DNAH1: variants seen among roughly 807,000 people sequenced by gnomAD.
DNAH1 encodes the protein dynein axonemal heavy chain 1, also known as axonemal beta dynein heavy chain 1.
DNAH1 carries 327 observed loss-of-function variants against 484.3 expected under a neutral mutation model. The ratio of observed to expected loss-of-function variants is 0.68; its 90% CI spans 0.62 to 0.74. The LOEUF is 0.74. Ranked by LOEUF, DNAH1 falls within the 30% of genes least tolerant of loss-of-function variation. The pLI is 0.00. For synonymous variants in DNAH1, 2,192 were observed against 2,191.9 expected (o/e 1.00, Z 0.00); for missense variants, 5,052 against 5,546.8 (o/e 0.91, Z 2.83).
In DNAH1 at chr3:52,360,395, G is replaced by C; in HGVS notation, c.4656G>C (p.Gly1552=). The change falls in exon 28 of 78, where the codon GGG becomes GGC. Residue 1552 remains glycine (G), a synonymous_variant. Coordinates refer to ENST00000420323, the MANE Select transcript of DNAH1 (RefSeq NM_015512.5). The stretch of plus-strand genomic sequence containing the variant: ...GCTATGAGTACCTGGGCAACAGTGG[G>C]AGGCTGGTGATCACGCCCCTCACCG... ...IYGYEYLGNS[G]RLVITPLTDR... 1 of 1,613,976 alleles carries C rather than the reference G, an allele frequency of 6.2e-7. No homozygotes were observed. Among genetic ancestry groups the C allele is most frequent in the Non-Finnish European group, 8.5e-7 (1 of 1,179,874 alleles).
In DNAH1 at chr3:52,383,456, C is replaced by T; in HGVS notation, c.8012C>T (p.Thr2671Ile). The change falls in exon 51 of 78, where the codon ACT (threonine) becomes ATT (isoleucine). Residue 2671 changes from threonine to isoleucine, a missense_variant. Thr to Ile is a moderately conservative substitution (Grantham distance 89). This residue lies in a region of DNAH1 where 2,929 missense variants were observed against 3,409.4 expected (regional missense o/e 0.86). Transcript: ENST00000420323. ...LNSGDIPNLY[T>I]ADEQDQIVST... ...TCTGGTGACATTCCCAATCTGTATA[C>T]TGCGGACGAGCAGGACCAGATCGTC... The T allele has an allele frequency of 2.5e-6, 4 of 1,614,010 alleles. No homozygotes were observed. Among genetic ancestry groups the T allele is most frequent in the Non-Finnish European group, 3.4e-6 (4 of 1,179,872 alleles).
At position 52,395,007 on chromosome 3, in the gene DNAH1, C is replaced by T. The variant is rs759314586; in HGVS notation, c.10916C>T (p.Ala3639Val). The change falls in exon 68 of 78, where the codon GCC becomes GTC. Residue 3639 changes from alanine to valine, a missense_variant. Transcript: ENST00000420323. The surrounding 1 kb of genome is among the most constrained non-coding windows in gnomAD (Gnocchi z 4.4). Reference protein sequence around the residue: ...RCLRGDKVTNAMQDFVATNLE... With the variant: ...RCLRGDKVTNVMQDFVATNLE... ...CTGCGTGGGGACAAGGTTACCAACG[C>T]CATGCAGGACTTTGTGGCCACCAAC... 1 of 1,611,740 alleles carries T rather than the reference C, an allele frequency of 6.2e-7. No homozygotes were observed. Among genetic ancestry groups the T allele is most frequent in the Non-Finnish European group, 8.5e-7 (1 of 1,179,030 alleles).
At chr3:52,350,712 A>T in intron 16 of DNAH1, 122 bp downstream of exon 16, 1 of 942,814 alleles carries the variant, frequency 1.1e-6, no homozygotes, top group Non-Finnish European at 1.7e-6. Flanking sequence ...GAAACACCCC[A>T]CTGAGATTTC....
chr3:52,314,348 C>A (rs730050), upstream of DNAH1, among the ~76,000 whole-genome samples: 54,368 of 152,094 alleles, frequency 0.36, 10,996 homozygotes, highest in East Asian at 0.58. Flanking sequence ...AGGCATCCCC[C>A]CCTTGGGCCG....
chr3:52,327,868 C>T lies in DNAH1; in HGVS notation c.739-14C>T, dbSNP rs752618491. 1 of 1,612,128 alleles carries T rather than the reference C, an allele frequency of 6.2e-7. No homozygotes were observed. On this transcript the variant is annotated splice_polypyrimidine_tract_variant and intron_variant, in intron 5 of 77. Coordinates refer to ENST00000420323, the MANE Select transcript of DNAH1 (RefSeq NM_015512.5). ...GGAGCTGCTTCTTCCCAATGTTGGC[C>T]TGCTTTCTTCCAGGTATTTGACAAT... is the stretch of plus-strand genomic sequence containing the variant.
At chr3:52,350,627 T>C in intron 16 of DNAH1, 37 bp downstream of exon 16, 1 of 1,594,908 alleles carries the variant, frequency 6.3e-7, no homozygotes, top group Non-Finnish European at 8.6e-7. Flanking sequence ...AGGTGCGGGG[T>C]GGAGCATGAG....
At chr3:52,313,924 C>T (rs975155192), upstream of DNAH1, among the ~76,000 whole-genome samples, 4 of 152,102 alleles carry the variant, frequency 2.6e-5, no homozygotes, top group Non-Finnish European at 2.9e-5. Context: ...GGGACTTGCC[C>T]GGTGAGTCAT....
rs1240770432 is a variant in DNAH1 at position 52,394,386 on chromosome 3, G to A, written c.10627-79G>A. 8.6e-6 allele frequency: 12 copies of A among 1,399,914 alleles called. No homozygotes were observed. In the East Asian group the frequency reaches 1.2e-4, roughly 14 times the overall value. The allele number at this position is 1,399,914 out of a possible 1,614,324, so 86.7% of individuals were successfully genotyped here. A position where few individuals can be genotyped will look rare whatever the true frequency, so the allele number is the denominator to read the frequency against. The stretch of plus-strand genomic sequence containing the variant: ...TTCTCCAGGTGAGGGTGGTTAGAGA[G>A]GCACTACTGGGTGGGGGTGCCCAGA... On this transcript the variant is annotated intron_variant, in intron 66 of 77. Coordinates refer to ENST00000420323, the MANE Select transcript of DNAH1 (RefSeq NM_015512.5).
In DNAH1 at chr3:52,350,148, G is replaced by C. The variant is rs201264357; in HGVS notation, c.2646+40G>C. Reference sequence around the variant, plus strand: ...CGGGCACTGGGGCCAGGGAGGCACAGGGCTGGTGTTAAGAGTCCGAGGGCT... The same window carrying C: ...CGGGCACTGGGGCCAGGGAGGCACACGGCTGGTGTTAAGAGTCCGAGGGCT... On this transcript the variant is annotated intron_variant, in intron 15 of 77. Transcript: ENST00000420323. The C allele has an allele frequency of 1.4e-4, 227 of 1,598,542 alleles. No individual in the cohort carries two copies. The African/African-American group carries it at 2.6e-3, about 18-fold the overall frequency.
In DNAH1 at chr3:52,358,708, A is replaced by G; in HGVS notation, c.4237A>G (p.Ile1413Val). 6.2e-7 allele frequency: 1 copy of G among 1,612,918 alleles called. No individual in the cohort carries two copies. Among genetic ancestry groups the G allele is most frequent in the Non-Finnish European group, 8.5e-7 (1 of 1,179,738 alleles). ...CATGAAGGCCAGTGTGCACGACATC[A>G]TTGAGAAGGCCATCAGGGCCTACCC... ...RSMKASVHDI[I>V]EKAIRAYPTM... Residue 1413 changes from isoleucine (I) to valine (V), a missense_variant, in exon 25 of 78, where the codon ATT (isoleucine) becomes GTT (valine). Around this residue, in one of 4 missense-constraint regions of DNAH1, gnomAD observed 2,929 missense variants for 3,409.4 expected, o/e 0.86. Coordinates refer to ENST00000420323, the MANE Select transcript of DNAH1 (RefSeq NM_015512.5). The surrounding 1 kb of genome is among the most constrained non-coding windows in gnomAD (Gnocchi z 4.2).
chr3:52,349,818 C>T (rs1702297052), intron 14 of DNAH1, among the ~76,000 whole-genome samples, 171 bp from the exon 15 acceptor site: 1 of 152,218 alleles, frequency 6.6e-6, no homozygotes. Context: ...TGACAGTCCT[C>T]AGCAACCCAG....
intron 10 of DNAH1, 47 bp from the exon 11 acceptor site, chr3:52,346,425 C>T (rs1246033334): frequency 1.9e-6 from 3 of 1,547,482 alleles, no homozygotes; most frequent in East Asian, 2.4e-5. Flanking sequence ...AGCTATAGGT[C>T]GTGGGTCCCC....
At position 52,372,017 on chromosome 3, in the gene DNAH1, C is replaced by A; in HGVS notation, c.6597C>A (p.Ile2199=). ...TACCAGACACCAACTACTGCAACAT[C>A]ATTGTGCCCACCATGGACACCGTGC... ...TMVPDTNYCN[I]IVPTMDTVQM... The change falls in exon 42 of 78, where the codon ATC becomes ATA. Residue 2199 remains isoleucine (I), a synonymous_variant. Transcript: ENST00000420323. 6.2e-7 allele frequency: 1 copy of A among 1,613,896 alleles called. No individual in the cohort carries two copies. Among genetic ancestry groups the A allele is most frequent in the South Asian group, 1.1e-5 (1 of 91,088 alleles).
intron 46 of DNAH1, 63 bp downstream of exon 46, chr3:52,376,056 G>C: frequency 6.3e-7 from 1 of 1,582,824 alleles, no homozygotes; most frequent in Middle Eastern, 1.7e-4. Context: ...GCTCTGGTTG[G>C]GTGTGTTGAG....
chr3:52,353,090 C>T lies in DNAH1; in HGVS notation c.3028-13C>T. ...CCCAAGACAGCCCCAGCCCTGCCCT[C>T]CTGTCCCTGCAGTATGACAAGCTCT... On this transcript the variant is annotated splice_polypyrimidine_tract_variant and intron_variant, in intron 18 of 77. Transcript: ENST00000420323. The surrounding 1 kb of genome is among the most constrained non-coding windows in gnomAD (Gnocchi z 5.0). The T allele has an allele frequency of 6.2e-7, 1 of 1,608,256 alleles. No homozygotes were observed.
intron 8 of DNAH1, among the ~76,000 whole-genome samples, chr3:52,337,388 A>T (rs1701775333): frequency 6.6e-6 from 1 of 152,170 alleles, no homozygotes; most frequent in Non-Finnish European, 1.5e-5. Flanking sequence ...GCAACCTGAC[A>T]TTTTATTATT....
Position 52,362,448 on chromosome 3 carries a change from A to G in DNAH1, c.5041A>G (p.Ile1681Val), listed in dbSNP as rs1161608283. ...ACTGGTGCCATCCTGCGCAGTGTTT[A>G]TCACCATGAACCCGGGCTACGCTGG... ...IPLVPSCAVF[I>V]TMNPGYAGRT... The change falls in exon 31 of 78, where the codon ATC becomes GTC. Residue 1681 changes from isoleucine to valine, a missense_variant. Coordinates refer to ENST00000420323, the MANE Select transcript of DNAH1 (RefSeq NM_015512.5). This position sits in a 1 kb window ranked among gnomAD's most constrained non-coding sequence, Gnocchi z 5.1. 4.3e-6 allele frequency: 7 copies of G among 1,614,042 alleles called. No homozygotes were observed. Among genetic ancestry groups the G allele is most frequent in the South Asian group, 1.1e-5 (1 of 91,088 alleles).
At chr3:52,376,584 G>A (rs1703613537) in intron 46 of DNAH1, among the ~76,000 whole-genome samples, 1 of 152,068 alleles carries the variant, frequency 6.6e-6, no homozygotes, top group Non-Finnish European at 1.5e-5. Flanking sequence ...GGCCTGCCTG[G>A]GAATGTGGCA....
At chr3:52,347,594 C>T (rs567435369) in intron 11 of DNAH1, among the ~76,000 whole-genome samples, 56 of 152,184 alleles carry the variant, frequency 3.7e-4, no homozygotes, top group Non-Finnish European at 7.5e-4. Flanking sequence ...GGGGGGCCTC[C>T]CTCTCGTGTG....
Sources: allele counts gnomAD v4.1 joint callset (sites outside exome capture counted in the v4.1 genomes callset), GRCh38; gene constraint gnomAD v4.1.1; regional missense constraint gnomAD v4.1.1; non-coding constraint Gnocchi (gnomAD v3.1); transcripts MANE v1.5; gene names NCBI Gene and HGNC (gene_info 2026-07-23, HGNC 2026-07-21).